HTR2C: variants seen among roughly 807,000 people sequenced by gnomAD.
HTR2C encodes the protein 5-hydroxytryptamine receptor 2C, also known as 5-hydroxytryptamine (serotonin) receptor 2C, G protein-coupled.
HTR2C carries 5 observed loss-of-function variants against 21.0 expected under a neutral mutation model. That is an observed-to-expected ratio of 0.24 (90% CI 0.12 to 0.50). The LOEUF (loss-of-function observed/expected upper bound fraction) is 0.50. HTR2C is among the 20% of genes least tolerant of loss of function. The pLI, the probability that HTR2C is intolerant of heterozygous loss-of-function variation, is 0.98. For synonymous variants in HTR2C, 150 were observed against 145.3 expected, an observed-to-expected ratio of 1.03 and a Z score of -0.23; for missense variants, 271 against 371.2, an observed-to-expected ratio of 0.73 and a Z score of 2.22.
chrX:114,726,916 T>C lies in HTR2C; in HGVS notation c.-21T>C. 6 of 1,106,787 alleles carry C rather than the reference T, an allele frequency of 5.4e-6. No individual in the cohort carries two copies. The highest frequency in any genetic ancestry group is 7.3e-6 in the Non-Finnish European group (6 of 827,558). 91.2% of individuals were successfully genotyped at this position (1,106,787 alleles called of 1,213,427 possible). ...TCGTCTTCTCAATTTTAAACTTTGG[T>C]TGCTTAAGACTGAAGCAATCATGGT... On this transcript the variant is annotated 5_prime_UTR_variant, in exon 3 of 6. Coordinates refer to ENST00000276198, the MANE Select transcript of HTR2C (RefSeq NM_000868.4).
At chrX:114,689,350 T>A (rs1932037284) in intron 2 of HTR2C, among the ~76,000 whole-genome samples, 1 of 108,661 alleles carries the variant, frequency 9.2e-6, no homozygotes, top group African/African-American at 3.4e-5. Context: ...TATAATGACT[T>A]ATTTTCCTCT....
chrX:114,700,958 T>C (rs927562083), intron 2 of HTR2C, among the ~76,000 whole-genome samples: 7 of 111,969 alleles, frequency 6.3e-5, no homozygotes, highest in African/African-American at 6.5e-5. Context: ...TGCTGATTGC[T>C]AGGACAGCAG....
chrX:114,726,848 C>A lies in HTR2C; in HGVS notation c.-79-10C>A. 1 of 564,564 alleles carries A rather than the reference C, an allele frequency of 1.8e-6. No individual in the cohort carries two copies. The highest frequency in any genetic ancestry group is 2.8e-6 in the Non-Finnish European group (1 of 354,856). 46.5% of individuals were successfully genotyped at this position (564,564 alleles called of 1,213,427 possible). Reference sequence around the variant, plus strand: ...AACTAATTTTCTCTTTCTTCTTTTTCTCTCCCCAGAAAGGATGATATGATG... The same window carrying A: ...AACTAATTTTCTCTTTCTTCTTTTTATCTCCCCAGAAAGGATGATATGATG... On this transcript the variant is annotated splice_polypyrimidine_tract_variant and intron_variant, in intron 2 of 5. Transcript: ENST00000276198.
chrX:114,621,240 G>A (rs1556401658), intron 2 of HTR2C, among the ~76,000 whole-genome samples: 1 of 111,396 alleles, frequency 9.0e-6, no homozygotes, highest in African/African-American at 3.3e-5. Flanking sequence ...GGAGTCACAA[G>A]GTAATGAATC....
chrX:114,587,432 C>T, intron 1 of HTR2C, among the ~76,000 whole-genome samples: 1 of 111,526 alleles, frequency 9.0e-6, no homozygotes, highest in Non-Finnish European at 1.9e-5. Flanking sequence ...GGAAGAACTG[C>T]TAAATTATGT....
At chrX:114,610,950 A>G (rs1928701819) in intron 1 of HTR2C, among the ~76,000 whole-genome samples, 1 of 111,808 alleles carries the variant, frequency 8.9e-6, no homozygotes, top group African/African-American at 3.3e-5. Flanking sequence ...ATATTTTTGC[A>G]AAATTAATTA....
At chrX:114,599,297 A>AT (rs1460034607) in intron 1 of HTR2C, among the ~76,000 whole-genome samples, 1 of 112,008 alleles carries the variant, frequency 8.9e-6, no homozygotes, top group Admixed American at 9.5e-5. Flanking sequence ...AAATAAGAGT[A>AT]TTTTTTGAAG....
rs73638452 is a variant in HTR2C at position 114,648,136 on chromosome X, A to G, written c.-80+34255A>G. 8.6e-3 allele frequency among the ~76,000 whole-genome samples: 962 copies of G among 111,879 alleles called. 12 individuals carry two copies. The highest frequency in any genetic ancestry group is 0.029 in the African/African-American group (897 of 30,785). On this transcript the variant is annotated intron_variant, in intron 2 of 5. Transcript: ENST00000276198. ...GAGAAGTATGATTGGATAAAAAAGT[A>G]TGATCTAATGTAATAAAACTTGAGG...
intron 2 of HTR2C, among the ~76,000 whole-genome samples, chrX:114,626,848 G>A (rs782733973): frequency 1.8e-5 from 2 of 111,920 alleles, no homozygotes; most frequent in South Asian, 7.5e-4. Context: ...TGTGAGAAGA[G>A]ATGTTCACTG....
At chrX:114,782,245 G>T (rs782113735) in intron 4 of HTR2C, among the ~76,000 whole-genome samples, 1 of 110,413 alleles carries the variant, frequency 9.1e-6, no homozygotes, top group African/African-American at 3.3e-5. Context: ...AAATACAGAT[G>T]AAAACAGAGG....
At position 114,848,165 on chromosome X, in the gene HTR2C, C is replaced by T. The variant is rs139581423; in HGVS notation, c.512C>T (p.Ala171Val). 1,082 of 1,209,187 alleles carry T rather than the reference C, an allele frequency of 8.9e-4. No homozygotes were observed. The highest frequency in any genetic ancestry group is 1.1e-3 in the Non-Finnish European group (1,006 of 894,490). The part of the protein sequence containing the change: ...EHSRFNSRTK[A>V]IMKIAIVWAI... ...AGCCGTTTCAATTCGCGGACTAAGG[C>T]CATCATGAAGATTGCTATTGTTTGG... is the stretch of plus-strand genomic sequence containing the variant. Residue 171 changes from alanine to valine, a missense_variant, in exon 5 of 6, where the codon GCC becomes GTC. By Grantham distance (64) the Ala-to-Val change is moderately conservative. Transcript: ENST00000276198.
chrX:114,699,332 A>C (rs1932385355), intron 2 of HTR2C, among the ~76,000 whole-genome samples: 1 of 111,711 alleles, frequency 9.0e-6, no homozygotes, highest in African/African-American at 3.3e-5. Context: ...TTCTTGAAGA[A>C]ACCACATTTG....
At chrX:114,683,607 A>G (rs1931820536) in intron 2 of HTR2C, among the ~76,000 whole-genome samples, 1 of 110,944 alleles carries the variant, frequency 9.0e-6, no homozygotes, top group Admixed American at 9.6e-5. Context: ...CAACATGGTG[A>G]AACCCTGTCT....
intron 5 of HTR2C, among the ~76,000 whole-genome samples, chrX:114,858,886 T>C (rs1243720110): frequency 9.0e-5 from 10 of 111,160 alleles, no homozygotes; most frequent in Non-Finnish European, 1.7e-4. Context: ...CATAAATATG[T>C]GTAACTTTTC....
chrX:114,784,829 C>A (rs2070158805), intron 4 of HTR2C, among the ~76,000 whole-genome samples: 1 of 110,072 alleles, frequency 9.1e-6, no homozygotes, highest in Admixed American at 9.8e-5. Flanking sequence ...CCGCGTTAGC[C>A]AGGATGATCT....
chrX:114,634,741 G>C (rs1929774661), intron 2 of HTR2C, among the ~76,000 whole-genome samples: 1 of 110,929 alleles, frequency 9.0e-6, no homozygotes, highest in Non-Finnish European at 1.9e-5. Context: ...AGCCCGATGA[G>C]GTAGAGGTTG....
At chrX:114,656,404 A>G (rs972314555) in intron 2 of HTR2C, among the ~76,000 whole-genome samples, 16 of 111,309 alleles carry the variant, frequency 1.4e-4, no homozygotes, top group African/African-American at 5.2e-4. Flanking sequence ...AATACTTCAC[A>G]CAAAGTTGGT....
At chrX:114,874,405 C>A (rs1271382584) in intron 5 of HTR2C, among the ~76,000 whole-genome samples, 1 of 111,711 alleles carries the variant, frequency 9.0e-6, no homozygotes, top group East Asian at 2.8e-4. Context: ...CTATCAAAAG[C>A]GTGCAAGTGT....
intron 4 of HTR2C, among the ~76,000 whole-genome samples, chrX:114,813,351 G>A (rs781890870): frequency 8.9e-6 from 1 of 111,885 alleles, no homozygotes; most frequent in African/African-American, 3.2e-5. Context: ...CACTCAGACA[G>A]TTGAATTCAA....
Sources: gnomAD v4.1 joint callset for allele counts (sites outside exome capture counted in the v4.1 genomes callset) on GRCh38, gnomAD v4.1.1 for gene constraint, MANE v1.5 for transcripts, NCBI Gene and HGNC (gene_info 2026-07-23, HGNC 2026-07-21) for gene names.